CHM: variants seen among roughly 807,000 people sequenced by gnomAD.
The protein encoded by CHM is rab proteins geranylgeranyltransferase component A 1.
In CHM, 10 loss-of-function variants were observed where a neutral mutation model predicts 49.0. The observed-to-expected ratio is 0.20, with a 90% CI of 0.13 to 0.35. The LOEUF (loss-of-function observed/expected upper bound fraction) is 0.35, where lower values mean the gene tolerates loss of function less well. CHM is among the 10% of genes least tolerant of loss of function. The pLI is 1.00. For synonymous variants in CHM, 184 were observed against 167.5 expected (o/e 1.10, Z -0.76); for missense variants, 455 against 478.4 (o/e 0.95, Z 0.46).
chrX:85,874,127 T>C (rs1481925267), intron 13 of CHM, among the ~76,000 whole-genome samples: 6 of 111,790 alleles, frequency 5.4e-5, no homozygotes, highest in Non-Finnish European at 1.1e-4. Context: ...ATTGATGTTA[T>C]TGTATTTTCA....
At chrX:85,901,010 T>A in intron 10 of CHM, 74 bp downstream of exon 10, 1 of 707,299 alleles carries the variant, frequency 1.4e-6, no homozygotes, top group Non-Finnish European at 2.2e-6. Context: ...ATTTGCATGT[T>A]ACTTGAAGAA....
At chrX:86,040,641 C>T (rs1934422610) in intron 1 of CHM, among the ~76,000 whole-genome samples, 2 of 112,128 alleles carry the variant, frequency 1.8e-5, no homozygotes, top group Admixed American at 1.9e-4. Flanking sequence ...TATTTAAGCA[C>T]CATACTGGCC....
chrX:85,997,124 C>T (rs1338822096), intron 2 of CHM, among the ~76,000 whole-genome samples: 1 of 111,694 alleles, frequency 9.0e-6, no homozygotes, highest in African/African-American at 3.3e-5. Context: ...GTATTTCAAA[C>T]ATTTTCAGAG....
At chrX:85,919,503 A>G (rs1927655146) in intron 8 of CHM, among the ~76,000 whole-genome samples, 1 of 111,154 alleles carries the variant, frequency 9.0e-6, no homozygotes, top group African/African-American at 3.3e-5. Context: ...ATGCCGAGAT[A>G]CAGGGACATC....
intron 3 of CHM, among the ~76,000 whole-genome samples, chrX:85,980,242 A>G (rs1931519207): frequency 9.0e-6 from 1 of 111,540 alleles, no homozygotes; most frequent in Non-Finnish European, 1.9e-5. Flanking sequence ...ACCCTCACAT[A>G]CACTTCCCAA....
At chrX:85,931,971 G>T (rs1012593755) in intron 8 of CHM, among the ~76,000 whole-genome samples, 1 of 111,962 alleles carries the variant, frequency 8.9e-6, no homozygotes, top group African/African-American at 3.2e-5. Flanking sequence ...ATTTCTGATA[G>T]TATCTTTTCC....
At chrX:86,033,410 A>G (rs753273701) in intron 1 of CHM, among the ~76,000 whole-genome samples, 2 of 112,469 alleles carry the variant, frequency 1.8e-5, no homozygotes, top group Admixed American at 1.9e-4. Context: ...AAGTCATTCC[A>G]TGTGTTATTT....
intron 14 of CHM, among the ~76,000 whole-genome samples, chrX:85,867,099 G>C (rs1212273653): frequency 1.8e-5 from 2 of 111,600 alleles, no homozygotes; most frequent in Non-Finnish European, 3.8e-5. Context: ...GGGGCAGAAT[G>C]ATATGGTTTG....
At chrX:85,940,392 T>G (rs1183455216) in intron 8 of CHM, among the ~76,000 whole-genome samples, 3 of 112,097 alleles carry the variant, frequency 2.7e-5, no homozygotes, top group Non-Finnish European at 5.6e-5. Context: ...ATTTATCATA[T>G]TATTGTAAAG....
chrX:85,942,441 G>T (rs1603257799), intron 8 of CHM, among the ~76,000 whole-genome samples: 1 of 111,235 alleles, frequency 9.0e-6, no homozygotes, highest in Non-Finnish European at 1.9e-5. Flanking sequence ...GGATGCCTGT[G>T]AAATGTGATG....
chrX:85,926,697 C>T (rs1296517293), intron 8 of CHM, among the ~76,000 whole-genome samples: 2 of 111,665 alleles, frequency 1.8e-5, no homozygotes, highest in African/African-American at 6.5e-5. Flanking sequence ...AGAGCTATTA[C>T]CTTCCGATAG....
chrX:86,006,382 T>A (rs1932855116), intron 2 of CHM, among the ~76,000 whole-genome samples: 1 of 111,960 alleles, frequency 8.9e-6, no homozygotes, highest in Non-Finnish European at 1.9e-5. Flanking sequence ...TCACCATGCC[T>A]ATTCAACACA....
At position 86,040,900 on chromosome X, in the gene CHM, C is replaced by T. The variant is rs1248804410; in HGVS notation, c.49+6584G>A. On this transcript the variant is annotated intron_variant, in intron 1 of 14. Coordinates refer to ENST00000357749, the MANE Select transcript of CHM (RefSeq NM_000390.4). ...CCCCCAAAATGTTTCCAATGAGCAC[C>T]AACAGTGATTTTTAGCCTATTTTAC... is the stretch of plus-strand genomic sequence containing the variant. Among the ~76,000 whole-genome samples the T allele has an allele frequency of 5.4e-5, 6 of 112,044 alleles. No homozygotes were observed. The East Asian group carries it at 1.7e-3, about 31-fold the overall frequency.
intron 2 of CHM, among the ~76,000 whole-genome samples, chrX:85,994,303 C>T (rs1170233357): frequency 8.9e-6 from 1 of 111,809 alleles, no homozygotes; most frequent in Non-Finnish European, 1.9e-5. Context: ...CACCATCCTC[C>T]GCTCCTTGCA....
intron 8 of CHM, among the ~76,000 whole-genome samples, chrX:85,928,379 C>T (rs761206207): frequency 9.1e-6 from 1 of 110,404 alleles, no homozygotes; most frequent in Admixed American, 9.7e-5. Context: ...CCCATCTCTA[C>T]TAAAAATACA....
At position 85,861,279 on chromosome X, in the gene CHM, A is replaced by AT. The variant is rs1249502057; in HGVS notation, c.*3350dup. 4.5e-5 allele frequency: 5 copies of AT among 111,903 alleles called. No individual in the cohort carries two copies. Among genetic ancestry groups the AT allele is most frequent in the Non-Finnish European group, 7.5e-5 (4 of 53,241 alleles). 9.2% of individuals were successfully genotyped at this position (111,903 alleles called of 1,213,427 possible). A position where few individuals can be genotyped will look rare whatever the true frequency, so the allele number is the denominator to read the frequency against. On this transcript the variant is annotated 3_prime_UTR_variant, in exon 15 of 15. Coordinates refer to ENST00000357749, the MANE Select transcript of CHM (RefSeq NM_000390.4). ...TTCATGCTTTTTGAAATATATCTGAATAAAAGACAAATTATTCAATATCAA... is the reference window on the plus strand; with the variant it reads ...TTCATGCTTTTTGAAATATATCTGAATTAAAAGACAAATTATTCAATATCAA...
At chrX:86,028,499 C>T (rs1327188317) in intron 1 of CHM, among the ~76,000 whole-genome samples, 1 of 111,618 alleles carries the variant, frequency 9.0e-6, no homozygotes, top group East Asian at 2.8e-4. Flanking sequence ...AGTATAAAAA[C>T]AAAACATTTA....
intron 4 of CHM, among the ~76,000 whole-genome samples, chrX:85,972,309 G>A (rs957175639): frequency 8.8e-5 from 10 of 113,549 alleles, no homozygotes; most frequent in African/African-American, 3.2e-4. Flanking sequence ...AGTGGATCCC[G>A]CACCAGGGCT....
intron 8 of CHM, among the ~76,000 whole-genome samples, chrX:85,935,236 T>TA (rs1315191981): frequency 9.0e-6 from 1 of 110,920 alleles, no homozygotes; most frequent in Non-Finnish European, 1.9e-5. Flanking sequence ...CCATGTGAAA[T>TA]AGAGTGAGAA....
Sources: allele counts gnomAD v4.1 joint callset (sites outside exome capture counted in the v4.1 genomes callset), GRCh38; gene constraint gnomAD v4.1.1; transcripts MANE v1.5; gene names NCBI Gene and HGNC (gene_info 2026-07-23, HGNC 2026-07-21).